Variants in RAPGEF6 observed in about 807,000 individuals in gnomAD.
The protein encoded by RAPGEF6 is Rap guanine nucleotide exchange factor 6.
In RAPGEF6, 56 loss-of-function variants were observed where a neutral mutation model predicts 171.4. That is an observed-to-expected ratio of 0.33 (90% CI 0.26 to 0.41). The LOEUF is 0.41. RAPGEF6 is among the 10% of genes least tolerant of loss of function. RAPGEF6 has a pLI of 1.00. For synonymous variants in RAPGEF6, 692 were observed against 650.1 expected (o/e 1.06, Z -0.98); for missense variants, 1,674 against 1,921.4 (o/e 0.87, Z 2.41).
chr5:131,581,644 C>G (rs1430263474), intron 4 of RAPGEF6, among the ~76,000 whole-genome samples: 1 of 152,092 alleles, frequency 6.6e-6, no homozygotes, highest in Non-Finnish European at 1.5e-5. Context: ...CCAAAATTTT[C>G]ACCCCAAGTT....
At chr5:131,548,664 C>T (rs946306092) in intron 5 of RAPGEF6, among the ~76,000 whole-genome samples, 2 of 152,184 alleles carry the variant, frequency 1.3e-5, no homozygotes, top group African/African-American at 4.8e-5. Flanking sequence ...GTAAGGCTGG[C>T]ATCTTCTAAG....
At chr5:131,469,651 A>G in intron 17 of RAPGEF6, 1 of 513,052 alleles carries the variant, frequency 1.9e-6, no homozygotes, top group Non-Finnish European at 3.3e-6. Context: ...CTAAAAAGAC[A>G]CATGCCAGTT....
chr5:131,545,305 T>G (rs1760445199), intron 6 of RAPGEF6, among the ~76,000 whole-genome samples: 1 of 152,138 alleles, frequency 6.6e-6, no homozygotes, highest in Non-Finnish European at 1.5e-5. Context: ...CTTGTACAAG[T>G]TGGGTACTAA....
chr5:131,486,690 T>G (rs1182678457), intron 15 of RAPGEF6, among the ~76,000 whole-genome samples: 1 of 151,990 alleles, frequency 6.6e-6, no homozygotes, highest in Non-Finnish European at 1.5e-5. Flanking sequence ...TGTTGTTTAT[T>G]CTTTCCTAAT....
intron 23 of RAPGEF6, chr5:131,440,105 A>G (rs1415307623): frequency 9.8e-6 from 4 of 406,454 alleles, no homozygotes; most frequent in Non-Finnish European, 1.9e-5. Flanking sequence ...GGGGCGACGC[A>G]TGTGGCAGGG....
chr5:131,462,062 G>C lies in RAPGEF6; in HGVS notation c.2507C>G (p.Thr836Arg), dbSNP rs1178525444. The C allele has an allele frequency of 2.6e-6, 4 of 1,555,646 alleles. No homozygotes were observed. The highest frequency in any genetic ancestry group is 3.5e-6 in the Non-Finnish European group (4 of 1,151,848). Residue 836 changes from threonine (T) to arginine (R), a missense_variant, in exon 19 of 28, where the codon ACA becomes AGA. Physicochemically the swap from Thr to Arg is moderately conservative, Grantham distance 71. This residue lies in a region of RAPGEF6 where 1,116 missense variants were observed against 1,321.5 expected (regional missense o/e 0.84). Coordinates refer to ENST00000509018, the MANE Select transcript of RAPGEF6 (RefSeq NM_016340.6). ...ATCTTCATCTGAACATAAGGTTTCT[G>C]TTTCCATGTTATTTTTTAAGTAATA... The part of the protein sequence containing the change: ...GRYYLKNNME[T>R]ETLCSDEDAQ...
chr5:131,597,414 C>T (rs1053618801), intron 3 of RAPGEF6, among the ~76,000 whole-genome samples: 1 of 152,066 alleles, frequency 6.6e-6, no homozygotes, highest in Middle Eastern at 3.2e-3. Context: ...TATCTGCACT[C>T]CCATATTTTA....
intron 17 of RAPGEF6, chr5:131,472,186 C>A (rs867203843): frequency 4.0e-5 from 11 of 274,270 alleles, no homozygotes; most frequent in Middle Eastern, 1.4e-3. Context: ...ATTCTCCTGC[C>A]TCAGCCTCCC....
intron 3 of RAPGEF6, among the ~76,000 whole-genome samples, chr5:131,598,064 GA>G (rs1023908359): frequency 1.3e-5 from 2 of 150,968 alleles, no homozygotes; most frequent in African/African-American, 2.4e-5. Flanking sequence ...AAAACCAACA[GA>G]AAAAAAACCT....
chr5:131,509,792 T>C (rs1026950239), intron 8 of RAPGEF6, among the ~76,000 whole-genome samples: 1 of 152,182 alleles, frequency 6.6e-6, no homozygotes, highest in African/African-American at 2.4e-5. Context: ...TGCCTCCTGA[T>C]AGTCATGTCC....
intron 23 of RAPGEF6, among the ~76,000 whole-genome samples, chr5:131,441,861 T>C (rs1752403376): frequency 6.6e-6 from 1 of 152,050 alleles, no homozygotes; most frequent in South Asian, 2.1e-4. Context: ...CAAATAAAAG[T>C]AATATGAATA....
rs2149811866 is a variant in RAPGEF6, at chr5:131,439,807, C to T, written c.3611-92G>A. 5.9e-6 allele frequency: 9 copies of T among 1,513,276 alleles called. No individual in the cohort carries two copies. The South Asian group carries it at 1.2e-4, about 20-fold the overall frequency. 93.7% of individuals were successfully genotyped at this position (1,513,276 alleles called of 1,614,324 possible). On this transcript the variant is annotated intron_variant, in intron 23 of 27. Transcript: ENST00000509018. ...TCACTACATAACTAACACTATGATG[C>T]ACAATGGCTAGTGTAGTCAACTGAA...
chr5:131,517,070 G>C (rs1279820385), intron 7 of RAPGEF6, among the ~76,000 whole-genome samples: 2 of 152,084 alleles, frequency 1.3e-5, no homozygotes, highest in Admixed American at 1.3e-4. Context: ...CTAACAATTG[G>C]GTACACATGG....
chr5:131,498,728 G>C (rs541349264), intron 11 of RAPGEF6, 121 bp from the exon 12 acceptor site: 2 of 922,458 alleles, frequency 2.2e-6, no homozygotes, highest in South Asian at 3.2e-5. Context: ...GTACAGTTTC[G>C]CCTTTAAATC....
intron 15 of RAPGEF6, among the ~76,000 whole-genome samples, chr5:131,484,678 A>C (rs1429256360): frequency 6.6e-6 from 1 of 152,190 alleles, no homozygotes; most frequent in Non-Finnish European, 1.5e-5. Flanking sequence ...TATCTCTGTT[A>C]ATAGCAAAAA....
intron 4 of RAPGEF6, among the ~76,000 whole-genome samples, chr5:131,589,430 T>C (rs935435054): frequency 2.0e-5 from 3 of 152,234 alleles, no homozygotes; most frequent in African/African-American, 7.2e-5. Context: ...TGTTGTTGTG[T>C]GTCTCCTTAT....
intron 5 of RAPGEF6, among the ~76,000 whole-genome samples, chr5:131,548,742 A>C (rs1760715797): frequency 6.6e-6 from 1 of 152,232 alleles, no homozygotes; most frequent in Admixed American, 6.5e-5. Flanking sequence ...ATATATATTA[A>C]GTAGTTAGTT....
At chr5:131,496,971 A>G (rs907496340) in intron 12 of RAPGEF6, among the ~76,000 whole-genome samples, 2 of 138,208 alleles carry the variant, frequency 1.4e-5, no homozygotes, top group East Asian at 2.5e-4. Context: ...CCCACCATCA[A>G]TGTGTGTAGG....
chr5:131,579,874 G>A (rs976360065), intron 4 of RAPGEF6, among the ~76,000 whole-genome samples: 2 of 152,042 alleles, frequency 1.3e-5, no homozygotes, highest in East Asian at 3.9e-4. Context: ...TACAATCCCT[G>A]AGCTAGACAC....
Sources: gnomAD v4.1 joint callset for allele counts (sites outside exome capture counted in the v4.1 genomes callset) on GRCh38, gnomAD v4.1.1 for gene constraint, gnomAD v4.1.1 regional missense constraint, MANE v1.5 for transcripts, NCBI Gene and HGNC (gene_info 2026-07-23, HGNC 2026-07-21) for gene names.